ARSL: variants seen among roughly 807,000 people sequenced by gnomAD.
The protein encoded by ARSL is arylsulfatase E (chondrodysplasia punctata 1).
In ARSL, 4 loss-of-function variants were observed where a neutral mutation model predicts 31.1. The observed-to-expected ratio is 0.13, with a 90% confidence interval of 0.06 to 0.29. The LOEUF is 0.29. Ranked by LOEUF, ARSL falls within the 10% of genes least tolerant of loss-of-function variation. The pLI is 1.00. For synonymous variants in ARSL, 198 were observed against 209.9 expected (o/e 0.94, Z 0.49); for missense variants, 312 against 497.8 (o/e 0.63, Z 3.55).
chrX:2,950,598 G>A (rs1176782932), intron 5 of ARSL, among the ~76,000 whole-genome samples: 1 of 111,316 alleles, frequency 9.0e-6, no homozygotes, highest in Non-Finnish European at 1.9e-5. Context: ...TTATAAATGG[G>A]AGTTCCCCTG....
intron 8 of ARSL, among the ~76,000 whole-genome samples, chrX:2,941,247 CTTTTTTTTTTT>C (rs200569564): frequency 1.0e-3 from 81 of 80,529 alleles, no homozygotes; most frequent in South Asian, 2.5e-3. Flanking sequence ...TGTCCACAAT[CTTTTTTTTTTT>C]TTTTTTTTTT....
chrX:2,948,951 C>CCT (rs2089422169), intron 6 of ARSL, among the ~76,000 whole-genome samples: 1 of 110,088 alleles, frequency 9.1e-6, no homozygotes, highest in Admixed American at 9.7e-5. Flanking sequence ...GAGACAGGTT[C>CCT]TCCCTGTGTC....
At chrX:2,965,277 G>A (rs887757276), upstream of ARSL, among the ~76,000 whole-genome samples, 4 of 111,005 alleles carry the variant, frequency 3.6e-5, no homozygotes, top group Non-Finnish European at 7.5e-5. Context: ...GAGGTGGGCC[G>A]ATCACTTGAA....
intron 5 of ARSL, among the ~76,000 whole-genome samples, chrX:2,950,826 T>C (rs780381316): frequency 9.0e-6 from 1 of 111,051 alleles, no homozygotes; most frequent in East Asian, 2.9e-4. Flanking sequence ...AAGAAGAGGA[T>C]AGTAGGACAC....
chrX:2,961,333 G>T (rs764875803), intron 1 of ARSL, among the ~76,000 whole-genome samples: 98 of 111,107 alleles, frequency 8.8e-4, no homozygotes, highest in South Asian at 2.0e-3. Context: ...CACCTTCAGG[G>T]TACTGCAGTG....
At chrX:2,961,972 C>T (rs1318006691) in intron 1 of ARSL, among the ~76,000 whole-genome samples, 2 of 108,863 alleles carry the variant, frequency 1.8e-5, no homozygotes, top group Non-Finnish European at 3.8e-5. Flanking sequence ...GCTCCGCCTC[C>T]CGGGTTCAAG....
chrX:2,967,642 G>C (rs1054337229), upstream of ARSL, among the ~76,000 whole-genome samples: 19 of 112,127 alleles, frequency 1.7e-4, 1 homozygote, highest in African/African-American at 6.2e-4. Context: ...CAATGCAATA[G>C]AAATAAAGAT....
At chrX:2,944,568 A>AT (rs746420275) in intron 7 of ARSL, among the ~76,000 whole-genome samples, 2,441 of 105,812 alleles carry the variant, frequency 0.023, 75 homozygotes, top group African/African-American at 0.076. Flanking sequence ...TGAGGAAACA[A>AT]TTTTTTTTTT....
rs2089225960 is a variant in ARSL, at chrX:2,937,953, G to A, written c.1289+142C>T. 5 of 810,692 alleles carry A rather than the reference G, an allele frequency of 6.2e-6. No homozygotes were observed. In the East Asian group the frequency reaches 1.6e-4, roughly 26 times the overall value. 66.8% of individuals were successfully genotyped at this position (810,692 alleles called of 1,213,427 possible). A position where few individuals can be genotyped will look rare whatever the true frequency, so the allele number is the denominator to read the frequency against. On this transcript the variant is annotated intron_variant, in intron 9 of 10. Coordinates refer to ENST00000381134, the MANE Select transcript of ARSL (RefSeq NM_000047.3). ...CATTTGCATCTCGTTATTGGGCCAT[G>A]AGAATAAGCAGCCCGACCCTCGGTT...
chrX:2,961,623 T>G (rs1444243620), intron 1 of ARSL, among the ~76,000 whole-genome samples: 2 of 111,787 alleles, frequency 1.8e-5, no homozygotes, highest in African/African-American at 6.5e-5. Flanking sequence ...TGGGGAAAAA[T>G]TTGCATCTGT....
At chrX:2,959,941 G>C (rs369088458) in intron 2 of ARSL, 5 of 216,271 alleles carry the variant, frequency 2.3e-5, no homozygotes, top group Non-Finnish European at 3.2e-5. Flanking sequence ...GAAAGAGAGA[G>C]AGAAAGAAAG....
Position 2,953,346 on chromosome X carries a change from A to G in ARSL, c.308-81T>C, listed in dbSNP as rs976736059. The G allele has an allele frequency of 7.6e-6, 8 of 1,057,251 alleles. No homozygotes were observed. In the African/African-American group the frequency reaches 1.5e-4, roughly 20 times the overall value. The allele number at this position is 1,057,251 out of a possible 1,213,427, so 87.1% of individuals were successfully genotyped here. A position where few individuals can be genotyped will look rare whatever the true frequency, so the allele number is the denominator to read the frequency against. ...TTATTTATTATTTATTCAAAAATAG[A>G]ACACTTGGTAAAAATCTCTCTTACT... On this transcript the variant is annotated intron_variant, in intron 4 of 10. Transcript: ENST00000381134.
At chrX:2,959,967 G>GAA (rs2089585358) in intron 2 of ARSL, 1 of 209,102 alleles carries the variant, frequency 4.8e-6, no homozygotes, top group East Asian at 8.1e-5. Context: ...AAGAAAGAAA[G>GAA]AGAAAGAAAG....
chrX:2,960,793 A>G lies in ARSL; in HGVS notation c.-20-373T>C, dbSNP rs184688717. 1.7e-4 allele frequency among the ~76,000 whole-genome samples: 19 copies of G among 111,376 alleles called. No homozygotes were observed. The Middle Eastern group carries it at 0.018, about 108-fold the overall frequency. On this transcript the variant is annotated intron_variant, in intron 1 of 10. Coordinates refer to ENST00000381134, the MANE Select transcript of ARSL (RefSeq NM_000047.3). ...AGATTATTTTGTCTTCTGCTTCCCG[A>G]GCCCAGGGCAGGGGTGATTCCTAAT...
intron 7 of ARSL, among the ~76,000 whole-genome samples, chrX:2,944,498 G>C (rs1354326597): frequency 9.5e-6 from 1 of 105,326 alleles, no homozygotes; most frequent in Non-Finnish European, 1.9e-5. Context: ...AAAACAAAAA[G>C]TGAGACCCTG....
chrX:2,949,248 A>T lies in ARSL; in HGVS notation c.854+56T>A, dbSNP rs1403558513. The T allele has an allele frequency of 2.6e-6, 3 of 1,173,823 alleles. No individual in the cohort carries two copies. The Admixed American group carries it at 6.6e-5, about 26-fold the overall frequency. On this transcript the variant is annotated intron_variant, in intron 6 of 10. Transcript: ENST00000381134. ...GCCTGACTGAAGAAGACTATTTAGG[A>T]TGCGTTTTCATTCCAAAGCTGAGTG...
In ARSL at chrX:2,955,507, G is replaced by A. The variant is rs767307974; in HGVS notation, c.216C>T (p.Asp72=). 5.1e-5 allele frequency: 62 copies of A among 1,209,343 alleles called. No individual in the cohort carries two copies. In the East Asian group the frequency reaches 1.2e-3, roughly 24 times the overall value. The change falls in exon 4 of 11, where the codon GAC becomes GAT. Residue 72 remains aspartate, a synonymous_variant. Coordinates refer to ENST00000381134, the MANE Select transcript of ARSL (RefSeq NM_000047.3). ...AGATGTGTTGGGTCAGCTTCACGCCGTCCTCTGCAAGGCGGTCAATATTCG... is the reference window on the plus strand; with the variant it reads ...AGATGTGTTGGGTCAGCTTCACGCCATCCTCTGCAAGGCGGTCAATATTCG... The part of the protein sequence containing the change: ...RTPNIDRLAE[D]GVKLTQHISA...
At chrX:2,941,397 G>T (rs2089280603) in intron 8 of ARSL, among the ~76,000 whole-genome samples, 1 of 109,843 alleles carries the variant, frequency 9.1e-6, no homozygotes, top group African/African-American at 3.3e-5. Context: ...TGGGATTACA[G>T]GCACGCACCA....
intron 2 of ARSL, chrX:2,959,475 CA>C: frequency 1.1e-6 from 1 of 877,344 alleles, no homozygotes; most frequent in African/African-American, 2.0e-5. Context: ...ACAGCAGGGC[CA>C]TAGTGTCCCA....
Sources: gnomAD v4.1 joint callset for allele counts (sites outside exome capture counted in the v4.1 genomes callset) on GRCh38, gnomAD v4.1.1 for gene constraint, MANE v1.5 for transcripts, NCBI Gene and HGNC (gene_info 2026-07-23, HGNC 2026-07-21) for gene names.